Variants in INSR observed in about 807,000 individuals in gnomAD.
INSR encodes IR.
INSR carries 67 observed loss-of-function variants against 142.6 expected under a neutral mutation model. The observed-to-expected ratio is 0.47, with a 90% CI of 0.39 to 0.58. The LOEUF (loss-of-function observed/expected upper bound fraction) is 0.58, where lower values mean the gene tolerates loss of function less well. Ranked by LOEUF, INSR falls within the 20% of genes least tolerant of loss-of-function variation. The pLI, the probability that INSR is intolerant of heterozygous loss-of-function variation, is 0.00. For missense variants in INSR, 1,248 were observed against 1,833.2 expected (o/e 0.68, Z 5.83); for synonymous variants, 756 against 743.1 (o/e 1.02, Z -0.28).
At chr19:7,222,468 A>C (rs1440426251) in intron 2 of INSR, among the ~76,000 whole-genome samples, 1 of 151,940 alleles carries the variant, frequency 6.6e-6, no homozygotes, top group Non-Finnish European at 1.5e-5. Flanking sequence ...ACCGTAGCTC[A>C]CTGCAGCATC....
Position 7,192,877 on chromosome 19 carries a change from T to C in INSR, c.653-8240A>G, listed in dbSNP as rs73920311. 0.015 allele frequency among the ~76,000 whole-genome samples: 2,317 copies of C among 152,246 alleles called. 59 individuals carry two copies. Among genetic ancestry groups the C allele is most frequent in the African/African-American group, 0.053 (2,205 of 41,534 alleles). The stretch of plus-strand genomic sequence containing the variant: ...TTCAGCTGCGGTGGCTTTTTCACTA[T>C]ACACTGCTGAGAAGATCAGGGACTA... On this transcript the variant is annotated intron_variant, in intron 2 of 21. Transcript: ENST00000302850. This position sits in a 1 kb window ranked among gnomAD's most constrained non-coding sequence, Gnocchi z 4.2.
intron 2 of INSR, among the ~76,000 whole-genome samples, chr19:7,226,281 G>A (rs1246907019): frequency 2.6e-5 from 4 of 151,946 alleles, no homozygotes; most frequent in Non-Finnish European, 5.9e-5. Context: ...ATGGTGGCGT[G>A]TGCCTGTAGT....
chr19:7,136,005 C>CT (rs1421389990), intron 13 of INSR, among the ~76,000 whole-genome samples: 1 of 151,148 alleles, frequency 6.6e-6, no homozygotes, highest in African/African-American at 2.4e-5. Flanking sequence ...ATGCCAAACT[C>CT]TTTCCTAAAG....
chr19:7,242,672 G>C (rs1976391355), intron 2 of INSR, among the ~76,000 whole-genome samples: 1 of 143,506 alleles, frequency 7.0e-6, no homozygotes, highest in African/African-American at 2.6e-5. Flanking sequence ...GGGAGGTGGA[G>C]GTTACAGTGA....
At chr19:7,139,238 G>A (rs1973010000) in intron 13 of INSR, among the ~76,000 whole-genome samples, 1 of 152,218 alleles carries the variant, frequency 6.6e-6, no homozygotes, top group Admixed American at 6.5e-5. Flanking sequence ...TGAACCTGCA[G>A]AATTGAGAGA....
intron 2 of INSR, among the ~76,000 whole-genome samples, chr19:7,265,240 A>G (rs1967686488): frequency 6.6e-6 from 1 of 152,216 alleles, no homozygotes; most frequent in Non-Finnish European, 1.5e-5. Context: ...TACCATGATC[A>G]GAACAGTCAC....
chr19:7,258,960 C>T (rs1976974474), intron 2 of INSR, among the ~76,000 whole-genome samples: 2 of 138,370 alleles, frequency 1.4e-5, no homozygotes, highest in South Asian at 4.7e-4. Context: ...TTCCTTCCTT[C>T]CCTCCTTCCT....
chr19:7,294,368 C>A lies in INSR; in HGVS notation c.-477G>T, dbSNP rs900996571. ...GCTCGGGCCCGTAAACAACGCGGCC[C>A]GTCAGCTGGGCCCCGTGCGGGCCGC... On this transcript the variant is annotated 5_prime_UTR_variant, in exon 1 of 22. Coordinates refer to ENST00000302850, the MANE Select transcript of INSR (RefSeq NM_000208.4). Among the ~76,000 whole-genome samples, 7 of 151,552 alleles carry A rather than the reference C, an allele frequency of 4.6e-5. No homozygotes were observed. Among genetic ancestry groups the A allele is most frequent in the Admixed American group, 1.3e-4 (2 of 15,242 alleles).
chr19:7,173,449 G>A (rs1348454156), intron 4 of INSR, among the ~76,000 whole-genome samples: 1 of 151,582 alleles, frequency 6.6e-6, no homozygotes, highest in Non-Finnish European at 1.5e-5. Flanking sequence ...CTCCCAAGTA[G>A]CTAGGACTAC....
Position 7,116,976 on chromosome 19 carries a change from TC to T in INSR, c.*79del. ...ATTGGACATGGTAGAGTCGTGAGAA[TC>T]CTGAGTTTTCCAGAGGCTTTCAAAC... On this transcript the variant is annotated 3_prime_UTR_variant, in exon 22 of 22. Coordinates refer to ENST00000302850, the MANE Select transcript of INSR (RefSeq NM_000208.4). The T allele has an allele frequency of 9.8e-7, 1 of 1,016,012 alleles. No individual in the cohort carries two copies. The highest frequency in any genetic ancestry group is 1.6e-6 in the Non-Finnish European group (1 of 635,588). 62.9% of individuals were successfully genotyped at this position (1,016,012 alleles called of 1,614,324 possible). A position where few individuals can be genotyped will look rare whatever the true frequency, so the allele number is the denominator to read the frequency against.
chr19:7,208,089 C>T (rs890488823), intron 2 of INSR, among the ~76,000 whole-genome samples: 1 of 152,124 alleles, frequency 6.6e-6, no homozygotes, highest in Admixed American at 6.6e-5. Flanking sequence ...GTTTGGCTCA[C>T]GAACTTCTGC....
chr19:7,250,695 GA>G (rs147997544), intron 2 of INSR, among the ~76,000 whole-genome samples: 8 of 151,438 alleles, frequency 5.3e-5, no homozygotes, highest in African/African-American at 9.7e-5. Context: ...AAAAGAAAAA[GA>G]AAAAAAATCA....
At chr19:7,271,219 G>C (rs1967917034) in intron 1 of INSR, among the ~76,000 whole-genome samples, 1 of 152,134 alleles carries the variant, frequency 6.6e-6, no homozygotes, top group Admixed American at 6.6e-5. Flanking sequence ...AAATGGGCCG[G>C]GCACCGTGGC....
chr19:7,292,085 G>C (rs1374440330), intron 1 of INSR, among the ~76,000 whole-genome samples: 6 of 150,842 alleles, frequency 4.0e-5, no homozygotes, highest in Admixed American at 6.6e-5. Context: ...GAGCCACCAC[G>C]CCCCGCCTTT....
chr19:7,267,870 T>G lies in INSR; in HGVS notation c.127A>C (p.Asn43His). The G allele has an allele frequency of 6.2e-7, 1 of 1,614,024 alleles. No individual in the cohort carries two copies. Among genetic ancestry groups the G allele is most frequent in the Non-Finnish European group, 8.5e-7 (1 of 1,179,998 alleles). Residue 43 changes from asparagine (N) to histidine (H), a missense_variant, in exon 2 of 22, where the codon AAC becomes CAC. By Grantham distance (68) the Asn-to-His change is moderately conservative (BLOSUM62 1). This residue lies in a region of INSR where 1,069 missense variants were observed against 1,654.0 expected (regional missense o/e 0.65). Coordinates refer to ENST00000302850, the MANE Select transcript of INSR (RefSeq NM_000208.4). The surrounding 1 kb of genome is among the most constrained non-coding windows in gnomAD (Gnocchi z 6.3). ...EVCPGMDIRN[N>H]LTRLHELENC... ...TCCAGCTCATGCAACCTAGTGAGGT[T>G]GTTCCGGATATCCATGCCGGGACAC...
intron 2 of INSR, among the ~76,000 whole-genome samples, chr19:7,189,742 T>A (rs1974525881): frequency 6.6e-6 from 1 of 151,774 alleles, no homozygotes. Context: ...CCGCTCACTG[T>A]AAACTCTGTG....
chr19:7,168,015 G>A lies in INSR; in HGVS notation c.1563C>T (p.Pro521=), dbSNP rs563071792. The A allele has an allele frequency of 1.2e-6, 2 of 1,614,102 alleles. No homozygotes were observed. Among genetic ancestry groups the A allele is most frequent in the East Asian group, 2.2e-5 (1 of 44,888 alleles). ...ACCCCAAGAGGTCTCGGAAGTCGGGGGGCCAGTACGGCTCCCATCTCAGCA... is the reference window on the plus strand; with the variant it reads ...ACCCCAAGAGGTCTCGGAAGTCGGGAGGCCAGTACGGCTCCCATCTCAGCA... ...KILLRWEPYW[P]PDFRDLLGFM... is the part of the protein sequence containing the mutation. Residue 521 remains proline (P), a synonymous_variant, in exon 7 of 22, where the codon CCC becomes CCT. Transcript: ENST00000302850. This position sits in a 1 kb window ranked among gnomAD's most constrained non-coding sequence, Gnocchi z 4.3.
At chr19:7,153,365 C>CACA (rs1568450051) in intron 9 of INSR, among the ~76,000 whole-genome samples, 3 of 16,558 alleles carry the variant, frequency 1.8e-4, no homozygotes, top group African/African-American at 3.5e-4. Context: ...ACACCACACA[C>CACA]CCCACACACA....
At chr19:7,293,230 C>T (rs1181564646) in intron 1 of INSR, among the ~76,000 whole-genome samples, 3 of 152,174 alleles carry the variant, frequency 2.0e-5, no homozygotes, top group Admixed American at 1.3e-4. Context: ...GGAAACAGAA[C>T]CCAAAAGGGT....
Sources: gnomAD v4.1 joint callset for allele counts (sites outside exome capture counted in the v4.1 genomes callset) on GRCh38, gnomAD v4.1.1 for gene constraint, gnomAD v4.1.1 regional missense constraint, Gnocchi (gnomAD v3.1) non-coding constraint, MANE v1.5 for transcripts, NCBI Gene and HGNC (gene_info 2026-07-23, HGNC 2026-07-21) for gene names.